ZNF521: variants seen among roughly 807,000 people sequenced by gnomAD.
ZNF521 encodes zinc finger protein 521, also known as LYST-interacting protein 3.
In ZNF521, 14 loss-of-function variants were observed where a neutral mutation model predicts 105.5. The observed-to-expected ratio is 0.13, with a 90% CI of 0.09 to 0.21. The LOEUF is 0.21. ZNF521 is among the 10% of genes least tolerant of loss of function. The pLI is 1.00. For missense variants in ZNF521, 1,233 were observed against 1,629.7 expected (o/e 0.76, Z 4.19); for synonymous variants, 635 against 606.0 (o/e 1.05, Z -0.70).
chr18:25,150,158 T>C (rs1015464246), intron 5 of ZNF521, among the ~76,000 whole-genome samples: 2 of 152,174 alleles, frequency 1.3e-5, no homozygotes, highest in African/African-American at 2.4e-5. Flanking sequence ...CATCCAGTTA[T>C]TCTCAGTGCA....
At chr18:25,351,038 G>C (rs1914730660) in intron 1 of ZNF521, 91 bp from the exon 2 acceptor site, 3 of 1,095,636 alleles carry the variant, frequency 2.7e-6, no homozygotes, top group Non-Finnish European at 3.6e-6. Context: ...GCGGCGCCTC[G>C]CGCCCTCCGC....
chr18:25,288,215 G>A (rs1910814930), intron 3 of ZNF521, among the ~76,000 whole-genome samples: 2 of 152,118 alleles, frequency 1.3e-5, no homozygotes, highest in South Asian at 4.1e-4. Flanking sequence ...CAACTGTTCA[G>A]GGACAGTAAG....
chr18:25,344,987 C>T (rs1438799669), intron 2 of ZNF521, among the ~76,000 whole-genome samples: 2 of 152,162 alleles, frequency 1.3e-5, no homozygotes, highest in Admixed American at 6.5e-5. Context: ...CTCTTTTCTA[C>T]TATCAAAACC....
intron 3 of ZNF521, among the ~76,000 whole-genome samples, chr18:25,263,913 G>A (rs565603147): frequency 5.7e-4 from 87 of 152,284 alleles, no homozygotes; most frequent in African/African-American, 2.0e-3. Context: ...ATGTAAGAAT[G>A]AATAAATAGG....
intron 3 of ZNF521, among the ~76,000 whole-genome samples, chr18:25,303,730 T>C (rs375456263): frequency 1.3e-5 from 2 of 152,290 alleles, no homozygotes; most frequent in South Asian, 4.1e-4. Flanking sequence ...AATCTACTTT[T>C]TGGGGCCCAA....
chr18:25,325,868 C>G (rs1913187870), intron 2 of ZNF521, among the ~76,000 whole-genome samples: 1 of 152,182 alleles, frequency 6.6e-6, no homozygotes, highest in Non-Finnish European at 1.5e-5. Context: ...AAGAAGCATT[C>G]TTTTCCCTGA....
rs34529787 is a variant in ZNF521, at chr18:25,294,853, C to CAAAAA, written c.220+27150_220+27154dup. 2.0e-4 allele frequency among the ~76,000 whole-genome samples: 12 copies of CAAAAA among 59,526 alleles called. 1 individual carries two copies. The East Asian group carries it at 2.2e-3, about 11-fold the overall frequency. The allele number at this position is 59,526 out of a possible 152,430, so 39.1% of individuals were successfully genotyped here. Reference sequence around the variant, plus strand: ...CTGGCGACAGAGCAAGATTCTGTCTCAAAAAAAAAAAAAAAAAAAAAAAAA... The same window carrying CAAAAA: ...CTGGCGACAGAGCAAGATTCTGTCTCAAAAAAAAAAAAAAAAAAAAAAAAAAAAAA... On this transcript the variant is annotated intron_variant, in intron 3 of 7. Coordinates refer to ENST00000361524, the MANE Select transcript of ZNF521 (RefSeq NM_015461.3).
chr18:25,198,930 C>CTT (rs910940286), intron 4 of ZNF521, among the ~76,000 whole-genome samples: 21 of 151,990 alleles, frequency 1.4e-4, no homozygotes, highest in African/African-American at 5.1e-4. Flanking sequence ...AAAGATATAT[C>CTT]TTTACATTTA....
At chr18:25,344,846 G>T (rs1411818193) in intron 2 of ZNF521, among the ~76,000 whole-genome samples, 1 of 152,198 alleles carries the variant, frequency 6.6e-6, no homozygotes, top group Non-Finnish European at 1.5e-5. Flanking sequence ...CAGCCATGAG[G>T]AATGTATTCT....
chr18:25,201,996 C>T (rs1176129421), intron 4 of ZNF521: 1 of 152,116 alleles, frequency 6.6e-6, no homozygotes, highest in East Asian at 1.9e-4. Context: ...ACTAAAGGTA[C>T]TATTTACTGC....
intron 3 of ZNF521, among the ~76,000 whole-genome samples, chr18:25,288,417 A>T (rs903067585): frequency 6.6e-6 from 1 of 152,102 alleles, no homozygotes; most frequent in Non-Finnish European, 1.5e-5. Flanking sequence ...CCTTCTGTCC[A>T]CCTTTACCCT....
intron 5 of ZNF521, among the ~76,000 whole-genome samples, chr18:25,176,285 A>G (rs1041422057): frequency 3.3e-5 from 5 of 152,208 alleles, no homozygotes; most frequent in Non-Finnish European, 7.3e-5. Flanking sequence ...CTCCCCCTCG[A>G]AAGTCTATTT....
intron 5 of ZNF521, among the ~76,000 whole-genome samples, chr18:25,156,010 C>A (rs1429014482): frequency 1.3e-5 from 2 of 152,086 alleles, no homozygotes; most frequent in African/African-American, 4.8e-5. Context: ...GTAGGAAGAA[C>A]TAGTCAACAG....
At chr18:25,317,339 G>A (rs370184685) in intron 3 of ZNF521, among the ~76,000 whole-genome samples, 7 of 152,270 alleles carry the variant, frequency 4.6e-5, no homozygotes. Context: ...TATTATTAAA[G>A]TTGTATGAGA....
intron 5 of ZNF521, chr18:25,136,858 G>A (rs2034743939): frequency 6.6e-6 from 1 of 152,172 alleles, no homozygotes; most frequent in Admixed American, 6.6e-5. Context: ...AATTTGAACT[G>A]TTAAACCAAA....
chr18:25,169,274 A>G (rs2035405587), intron 5 of ZNF521, among the ~76,000 whole-genome samples: 1 of 152,152 alleles, frequency 6.6e-6, no homozygotes, highest in Admixed American at 6.5e-5. Flanking sequence ...GAACTTTAAC[A>G]TGTCTTTTGA....
intron 3 of ZNF521, among the ~76,000 whole-genome samples, chr18:25,276,983 G>A (rs1910070721): frequency 6.6e-6 from 1 of 152,176 alleles, no homozygotes; most frequent in African/African-American, 2.4e-5. Flanking sequence ...AGGAGTTCGA[G>A]ACCAGCCTGG....
chr18:25,138,090 C>T (rs2034770809), intron 5 of ZNF521, among the ~76,000 whole-genome samples: 1 of 152,052 alleles, frequency 6.6e-6, no homozygotes, highest in Non-Finnish European at 1.5e-5. Context: ...AAAACAGTAC[C>T]AAGGACTTCC....
At chr18:25,084,289 G>A (rs929710312) in intron 7 of ZNF521, among the ~76,000 whole-genome samples, 1 of 150,126 alleles carries the variant, frequency 6.7e-6, no homozygotes, top group Admixed American at 6.6e-5. Flanking sequence ...GACCCAGCAA[G>A]CCACTCAATG....
Sources: allele counts gnomAD v4.1 joint callset (sites outside exome capture counted in the v4.1 genomes callset), GRCh38; gene constraint gnomAD v4.1.1; transcripts MANE v1.5; gene names NCBI Gene and HGNC (gene_info 2026-07-23, HGNC 2026-07-21).